The following CC2D2B variants were observed in gnomAD, a reference collection of about 807,000 sequenced individuals.
CC2D2B encodes protein CC2D2B.
CC2D2B carries 128 observed loss-of-function variants against 161.2 expected under a neutral mutation model. That is an observed-to-expected ratio of 0.79 (90% confidence interval 0.69 to 0.92). CC2D2B has a LOEUF of 0.92. Among genes scored for constraint, CC2D2B ranks in the 40% least tolerant of loss-of-function variants. CC2D2B has a pLI of 0.00. For missense variants in CC2D2B, 1,173 were observed against 1,375.1 expected (o/e 0.85, Z 2.32); for synonymous variants, 391 against 449.8 (o/e 0.87, Z 1.65).
chr10:95,938,890 C>G lies in CC2D2B; in HGVS notation c.766C>G (p.Pro256Ala), dbSNP rs41291584. 8 of 713,640 alleles carry G rather than the reference C, an allele frequency of 1.1e-5. No individual in the cohort carries two copies. Among genetic ancestry groups the G allele is most frequent in the African/African-American group, 5.3e-5 (3 of 57,076 alleles). The allele number at this position is 713,640 out of a possible 1,614,324, so 44.2% of individuals were successfully genotyped here. A position where few individuals can be genotyped will look rare whatever the true frequency, so the allele number is the denominator to read the frequency against. ...WNFRLNVRKE[P>A]LNPLLKTIYR... ...TTTCAGACTAAATGTAAGGAAGGAA[C>G]CTTTAAATCCATTACTTAAGACCAT... Residue 256 changes from proline (P) to alanine (A), a missense_variant, in exon 9 of 35, where the codon CCT becomes GCT. By Grantham distance (27) the Pro-to-Ala change is conservative (BLOSUM62 -1). Coordinates refer to ENST00000646931, the MANE Select transcript of CC2D2B (RefSeq NM_001349008.3).
intron 33 of CC2D2B, among the ~76,000 whole-genome samples, chr10:96,025,175 AT>A (rs1564683999): frequency 6.1e-4 from 32 of 52,506 alleles, no homozygotes; most frequent in East Asian, 5.2e-3. Context: ...ATATATATAT[AT>A]ATATATATAA....
At position 95,983,547 on chromosome 10, in the gene CC2D2B, G is replaced by T. The variant is rs545969288; in HGVS notation, c.2083-59G>T. 125 of 809,052 alleles carry T rather than the reference G, an allele frequency of 1.5e-4. 1 individual carries two copies. In the East Asian group the frequency reaches 3.4e-3, roughly 22 times the overall value. 50.1% of individuals were successfully genotyped at this position (809,052 alleles called of 1,614,324 possible). A position where few individuals can be genotyped will look rare whatever the true frequency, so the allele number is the denominator to read the frequency against. On this transcript the variant is annotated intron_variant, in intron 18 of 34. Transcript: ENST00000646931. ...CTCACAGTTGGGGAAAAAGTCTTTT[G>T]AAGTAATTCCTGAATTAAAAAAAAT...
chr10:95,994,690 C>T (rs888928074), intron 22 of CC2D2B, among the ~76,000 whole-genome samples: 1 of 152,198 alleles, frequency 6.6e-6, no homozygotes, highest in African/African-American at 2.4e-5. Flanking sequence ...GGGCTCACCT[C>T]TTCCTTTCTA....
Position 96,032,215 on chromosome 10 carries a change from A to T in CC2D2B, c.*207A>T, listed in dbSNP as rs1435741729. The T allele has an allele frequency of 1.9e-5, 10 of 512,840 alleles. No individual in the cohort carries two copies. The highest frequency in any genetic ancestry group is 1.3e-4 in the Admixed American group (4 of 31,442). 31.8% of individuals were successfully genotyped at this position (512,840 alleles called of 1,614,324 possible). ...GGAGTCTAGATGAGCTTCTCACCAG[A>T]GACCTCTCCAGGAAGGACCTTTGGA... On this transcript the variant is annotated 3_prime_UTR_variant, in exon 35 of 35. Transcript: ENST00000646931.
intron 11 of CC2D2B, among the ~76,000 whole-genome samples, chr10:95,959,982 G>T (rs1010501512): frequency 1.3e-5 from 2 of 152,160 alleles, no homozygotes; most frequent in African/African-American, 4.8e-5. Flanking sequence ...AATATATGGA[G>T]AATAGTGTAT....
chr10:95,995,333 A>C lies in CC2D2B; in HGVS notation c.2707A>C (p.Lys903Gln), dbSNP rs2078189624. ...ISCLRHRETI[K>Q]SVASDETLHE... ...TTGCCTCAGACATAGAGAAACAATC[A>C]AATCAGTAGCCTCAGATGAGACCTT... Residue 903 changes from lysine to glutamine, a missense_variant, in exon 23 of 35, where the codon AAA (lysine) becomes CAA (glutamine). Lys to Gln is a moderately conservative substitution (Grantham distance 53). This residue lies in a region of CC2D2B where 598 missense variants were observed against 693.2 expected (regional missense o/e 0.86). Transcript: ENST00000646931. 1 of 1,530,402 alleles carries C rather than the reference A, an allele frequency of 6.5e-7. No individual in the cohort carries two copies. The highest frequency in any genetic ancestry group is 1.4e-5 in the African/African-American group (1 of 72,854). The allele number at this position is 1,530,402 out of a possible 1,614,324, so 94.8% of individuals were successfully genotyped here.
chr10:96,031,814 A>T lies in CC2D2B; in HGVS notation c.4126-6A>T. The T allele has an allele frequency of 6.2e-7, 1 of 1,611,392 alleles. No homozygotes were observed. Among genetic ancestry groups the T allele is most frequent in the Non-Finnish European group, 8.5e-7 (1 of 1,178,138 alleles). Reference sequence around the variant, plus strand: ...GGGTTTATGTGCTGTTCTGTCTTTGATCCAGGTCACGGGATTTCCCATCCA... The same window carrying T: ...GGGTTTATGTGCTGTTCTGTCTTTGTTCCAGGTCACGGGATTTCCCATCCA... On this transcript the variant is annotated splice_region_variant and splice_polypyrimidine_tract_variant and intron_variant, in intron 34 of 34. Transcript: ENST00000646931.
At chr10:95,947,664 C>T (rs902485521) in intron 9 of CC2D2B, among the ~76,000 whole-genome samples, 2 of 151,940 alleles carry the variant, frequency 1.3e-5, no homozygotes, top group African/African-American at 4.8e-5. Context: ...ATCGCTTGAA[C>T]CTGGGAGGTG....
At chr10:95,943,590 A>G (rs2076095530) in intron 9 of CC2D2B, among the ~76,000 whole-genome samples, 1 of 152,060 alleles carries the variant, frequency 6.6e-6, no homozygotes, top group Admixed American at 6.5e-5. Context: ...TCGACATTTA[A>G]TTCTTCTGTA....
At chr10:95,958,988 A>G (rs2076674166) in intron 11 of CC2D2B, among the ~76,000 whole-genome samples, 1 of 152,194 alleles carries the variant, frequency 6.6e-6, no homozygotes, top group African/African-American at 2.4e-5. Context: ...GCACAAATAT[A>G]CAATGTCAGG....
intron 6 of CC2D2B, among the ~76,000 whole-genome samples, chr10:95,933,806 G>T (rs1207090873): frequency 6.6e-6 from 1 of 152,178 alleles, no homozygotes; most frequent in Non-Finnish European, 1.5e-5. Flanking sequence ...TCCTGTATGA[G>T]GTGTCTGTCG....
chr10:96,014,405 CTTCTT>C (rs1385933145), intron 29 of CC2D2B, among the ~76,000 whole-genome samples: 4 of 152,320 alleles, frequency 2.6e-5, no homozygotes, highest in Admixed American at 1.3e-4. Context: ...CATCCTATAA[CTTCTT>C]TTCAAGTCTG....
At chr10:95,944,552 T>C (rs10882696) in intron 9 of CC2D2B, among the ~76,000 whole-genome samples, 18,519 of 152,214 alleles carry the variant, frequency 0.12, 1,914 homozygotes, top group African/African-American at 0.27. Context: ...GGTGTAATTA[T>C]CTGGGATCAT....
intron 11 of CC2D2B, among the ~76,000 whole-genome samples, chr10:95,958,968 A>G (rs887941287): frequency 1.3e-5 from 2 of 152,160 alleles, no homozygotes; most frequent in Admixed American, 6.5e-5. Context: ...CAAGTGGAAA[A>G]AGTGAGACAG....
chr10:96,025,517 A>G (rs1453946926), intron 33 of CC2D2B, among the ~76,000 whole-genome samples: 4 of 152,188 alleles, frequency 2.6e-5, no homozygotes, highest in Non-Finnish European at 5.9e-5. Context: ...AGTTCTCAAC[A>G]TAGATGCCTG....
chr10:95,964,302 C>G (rs1049564427), intron 12 of CC2D2B, among the ~76,000 whole-genome samples: 1 of 152,086 alleles, frequency 6.6e-6, no homozygotes, highest in Non-Finnish European at 1.5e-5. Flanking sequence ...CTAAGTTACT[C>G]GTAACACTTA....
rs200962424 is a variant in CC2D2B at position 96,016,220 on chromosome 10, T to C, written c.3536T>C (p.Ile1179Thr). Residue 1179 changes from isoleucine to threonine, a missense_variant, in exon 30 of 35, where the codon ATC (isoleucine) becomes ACC (threonine). Around this residue, in one of 3 missense-constraint regions of CC2D2B, gnomAD observed 598 missense variants for 693.2 expected, o/e 0.86. Transcript: ENST00000646931. ...TCTTAGCACTGCATCAGTTTAGCTA[T>C]CGGAAATAAGGAGGAGCATGCCATC... Reference protein sequence around the residue: ...MTSEHCISLAIGNKEEHAILL... With the variant: ...MTSEHCISLATGNKEEHAILL... 84 of 1,611,718 alleles carry C rather than the reference T, an allele frequency of 5.2e-5. No individual in the cohort carries two copies. The African/African-American group carries it at 8.0e-4, about 15-fold the overall frequency.
intron 10 of CC2D2B, among the ~76,000 whole-genome samples, chr10:95,951,681 C>T (rs1328582260): frequency 2.0e-5 from 3 of 152,052 alleles, no homozygotes; most frequent in African/African-American, 7.2e-5. Context: ...TTTTTTCCCA[C>T]AATATTATAG....
At position 95,938,174 on chromosome 10, in the gene CC2D2B, C is replaced by T. The variant is rs1021129054; in HGVS notation, c.520C>T (p.Pro174Ser). The T allele has an allele frequency of 7.1e-6, 11 of 1,545,834 alleles. No homozygotes were observed. The African/African-American group carries it at 1.5e-4, about 21-fold the overall frequency. The change falls in exon 7 of 35, where the codon CCA (proline) becomes TCA (serine). Residue 174 changes from proline to serine, a missense_variant. By Grantham distance (74) the Pro-to-Ser change is moderately conservative. Transcript: ENST00000646931. ...AAAACAGAAGGCAAATATTTTTGTA[C>T]CAAGTAGTTCTCCAGGTAACATTCT... The part of the protein sequence containing the change: ...IKKQKANIFV[P>S]SSSPVVNQRK...
Sources: gnomAD v4.1 joint callset for allele counts (sites outside exome capture counted in the v4.1 genomes callset) on GRCh38, gnomAD v4.1.1 for gene constraint, gnomAD v4.1.1 regional missense constraint, MANE v1.5 for transcripts, NCBI Gene and HGNC (gene_info 2026-07-23, HGNC 2026-07-21) for gene names.